ATP1A4: variants seen among roughly 807,000 people sequenced by gnomAD.
The protein encoded by ATP1A4 is ATPase Na+/K+ transporting subunit alpha 4.
A neutral mutation model predicts 114.3 loss-of-function variants in ATP1A4; 90 were observed. The observed-to-expected ratio is 0.79, with a 90% CI of 0.66 to 0.94. The LOEUF (loss-of-function observed/expected upper bound fraction) is 0.94. ATP1A4 is among the 40% of genes least tolerant of loss of function. The pLI is 0.00. For synonymous variants in ATP1A4, 511 were observed against 494.1 expected, an observed-to-expected ratio of 1.03 and a Z score of -0.45; for missense variants, 1,222 against 1,313.6, an observed-to-expected ratio of 0.93 and a Z score of 1.08.
intron 17 of ATP1A4, among the ~76,000 whole-genome samples, chr1:160,177,013 A>G (rs6682988): frequency 0.76 from 115,468 of 151,970 alleles, 44,417 homozygotes; most frequent in East Asian, 0.88. Flanking sequence ...GGCACAGTTA[A>G]AGAAGACTGA....
intron 6 of ATP1A4, among the ~76,000 whole-genome samples, chr1:160,162,460 A>G (rs754627290): frequency 6.6e-6 from 1 of 152,128 alleles, no homozygotes; most frequent in Non-Finnish European, 1.5e-5. Flanking sequence ...GGCCCGTGCT[A>G]CCCAGCAGAG....
chr1:160,164,904 C>T (rs947031967), intron 7 of ATP1A4, among the ~76,000 whole-genome samples: 26 of 152,318 alleles, frequency 1.7e-4, no homozygotes, highest in African/African-American at 6.0e-4. Flanking sequence ...CAATTCGTTT[C>T]ATTGTTGTCT....
rs1308734844 is a variant in ATP1A4 at position 160,166,914 on chromosome 1, G to A, written c.1247-54G>A. 7.5e-5 allele frequency: 118 copies of A among 1,577,282 alleles called. 1 individual carries two copies. The highest frequency in any genetic ancestry group is 3.1e-4 in the East Asian group (14 of 44,530). On this transcript the variant is annotated intron_variant, in intron 8 of 21. Coordinates refer to ENST00000368081, the MANE Select transcript of ATP1A4 (RefSeq NM_144699.4). ...GGTGCCAAAGAGGATGTGAATAACC[G>A]CTTGCTTAAAATTCTCATTCCCTGC... is the stretch of plus-strand genomic sequence containing the variant.
chr1:160,159,758 A>G lies in ATP1A4; in HGVS notation c.778+232A>G, dbSNP rs58076226. On this transcript the variant is annotated intron_variant, in intron 6 of 21. Coordinates refer to ENST00000368081, the MANE Select transcript of ATP1A4 (RefSeq NM_144699.4). ...AGATTTTCGTGTGAATTGAGATAATATATGTAAAATGCCCAGCACAAGACC... is the reference window on the plus strand; with the variant it reads ...AGATTTTCGTGTGAATTGAGATAATGTATGTAAAATGCCCAGCACAAGACC... Among the ~76,000 whole-genome samples the G allele has an allele frequency of 0.038, 5,715 of 152,306 alleles. 358 individuals carry two copies. The highest frequency in any genetic ancestry group is 0.13 in the African/African-American group (5,424 of 41,542).
At chr1:160,168,790 A>G (rs960437997) in intron 10 of ATP1A4, among the ~76,000 whole-genome samples, 2 of 152,334 alleles carry the variant, frequency 1.3e-5, no homozygotes, top group Middle Eastern at 3.4e-3. Context: ...GTTGTTAGTC[A>G]ATGTAATAAA....
chr1:160,158,581 T>A (rs1652755986), intron 4 of ATP1A4, among the ~76,000 whole-genome samples: 1 of 152,080 alleles, frequency 6.6e-6, no homozygotes, highest in Admixed American at 6.5e-5. Flanking sequence ...GGTCTCCCTA[T>A]GTTGCCCAGT....
At position 160,166,980 on chromosome 1, in the gene ATP1A4, C is replaced by G. The variant is rs1302355684; in HGVS notation, c.1259C>G (p.Thr420Ser). Residue 420 changes from threonine to serine, a missense_variant, in exon 9 of 22, where the codon ACC (threonine) becomes AGC (serine). Transcript: ENST00000368081. Reference sequence around the variant, plus strand: ...TCTTTCTCCCTAGGAAAAACATTTACCAAGAGCTCTGATACCTGGTTTATG... The same window carrying G: ...TCTTTCTCCCTAGGAAAAACATTTAGCAAGAGCTCTGATACCTGGTTTATG... ...TTEEQTGKTFTKSSDTWFMLA... is the reference protein window; with the variant it reads ...TTEEQTGKTFSKSSDTWFMLA... 10 of 1,614,012 alleles carry G rather than the reference C, an allele frequency of 6.2e-6. No individual in the cohort carries two copies. The highest frequency in any genetic ancestry group is 8.5e-6 in the Non-Finnish European group (10 of 1,180,002).
rs200588619 is a variant in ATP1A4 at position 160,174,243 on chromosome 1, C to T, written c.2124C>T (p.Val708=). The change falls in exon 14 of 22, where the codon GTC becomes GTT. Residue 708 remains valine (V), a synonymous_variant. Coordinates refer to ENST00000368081, the MANE Select transcript of ATP1A4 (RefSeq NM_144699.4). ...RTSPQQKLII[V]EGCQRLGAVV... ...CCCCTCAGCAGAAGCTCATCATTGTCGAGGGATGTCAGAGGCTGGTAAGGA... is the reference window on the plus strand; with the variant it reads ...CCCCTCAGCAGAAGCTCATCATTGTTGAGGGATGTCAGAGGCTGGTAAGGA... 13 of 1,613,916 alleles carry T rather than the reference C, an allele frequency of 8.1e-6. No individual in the cohort carries two copies. The highest frequency in any genetic ancestry group is 1.6e-4 in the Middle Eastern group (1 of 6,084).
At position 160,171,885 on chromosome 1, in the gene ATP1A4, A is replaced by G. The variant is rs957433785; in HGVS notation, c.1854+128A>G. The stretch of plus-strand genomic sequence containing the variant: ...AGCGGATTTCTGTTTCCTTGGGCTT[A>G]TGATTTTTAATTAATAGTAAGTTTC... On this transcript the variant is annotated intron_variant, in intron 12 of 21. Transcript: ENST00000368081. The G allele has an allele frequency of 3.8e-5, 35 of 921,354 alleles. No homozygotes were observed. In the African/African-American group the frequency reaches 5.2e-4, roughly 14 times the overall value. 57.1% of individuals were successfully genotyped at this position (921,354 alleles called of 1,614,324 possible).
At chr1:160,180,692 C>A in intron 18 of ATP1A4, among the ~76,000 whole-genome samples, 1 of 139,044 alleles carries the variant, frequency 7.2e-6, no homozygotes, top group Non-Finnish European at 1.5e-5. Context: ...CTGCCTTCTT[C>A]CCTTTTTTTT....
rs1159069402 is a variant in ATP1A4 at position 160,176,527 on chromosome 1, A to G, written c.2515A>G (p.Lys839Glu). 6.2e-7 allele frequency: 1 copy of G among 1,614,202 alleles called. No individual in the cohort carries two copies. Among genetic ancestry groups the G allele is most frequent in the East Asian group, 2.2e-5 (1 of 44,876 alleles). ...TGAGTCAGCTGAAAGCGACATCATG[A>G]AGAGGCTTCCAAGGAACCCAAAGAC... The part of the protein sequence containing the change: ...AYESAESDIM[K>E]RLPRNPKTDN... The change falls in exon 17 of 22, where the codon AAG becomes GAG. Residue 839 changes from lysine (K) to glutamate (E), a missense_variant. Lys to Glu is a moderately conservative substitution (Grantham distance 56). Coordinates refer to ENST00000368081, the MANE Select transcript of ATP1A4 (RefSeq NM_144699.4).
chr1:160,160,136 T>C (rs1015982950), intron 6 of ATP1A4, among the ~76,000 whole-genome samples: 1 of 152,218 alleles, frequency 6.6e-6, no homozygotes, highest in Non-Finnish European at 1.5e-5. Context: ...TAAGGAGGCC[T>C]GAAGACTCCA....
Position 160,156,283 on chromosome 1 carries a change from GTCAAGGTACTGTA to G in ATP1A4, c.525+129_525+141del, listed in dbSNP as rs1360082352. On this transcript the variant is annotated intron_variant, in intron 4 of 21. Coordinates refer to ENST00000368081, the MANE Select transcript of ATP1A4 (RefSeq NM_144699.4). ...GCTGAGTGAGGTTGGTGATGAGGGGGTCAAGGTACTGTATCAGTCCTTAAAAGTACCTGGAAAA... is the reference window on the plus strand; with the variant it reads ...GCTGAGTGAGGTTGGTGATGAGGGGGTCAGTCCTTAAAAGTACCTGGAAAA... The G allele has an allele frequency of 1.0e-5, 7 of 678,804 alleles. No individual in the cohort carries two copies. The Admixed American group carries it at 1.6e-4, about 15-fold the overall frequency. 42.0% of individuals were successfully genotyped at this position (678,804 alleles called of 1,614,324 possible).
intron 1 of ATP1A4, among the ~76,000 whole-genome samples, 191 bp from the exon 2 acceptor site, chr1:160,152,974 T>C (rs1172293787): frequency 2.0e-5 from 3 of 151,994 alleles, no homozygotes; most frequent in Non-Finnish European, 4.4e-5. Context: ...GAGGTTGCAG[T>C]GAGTCGAAAT....
At chr1:160,171,014 G>C in intron 10 of ATP1A4, 1 of 402,108 alleles carries the variant, frequency 2.5e-6, no homozygotes. Flanking sequence ...CCCCCAGGGA[G>C]CTTCAGGCTG....
rs373156290 is a variant in ATP1A4 at position 160,167,013 on chromosome 1, G to A, written c.1292G>A (p.Arg431Gln). ...TCTGATACCTGGTTTATGCTGGCCCGAATCGCTGGCCTCTGCAACCGGGCT... is the reference window on the plus strand; with the variant it reads ...TCTGATACCTGGTTTATGCTGGCCCAAATCGCTGGCCTCTGCAACCGGGCT... ...KSSDTWFMLARIAGLCNRADF... is the reference protein window; with the variant it reads ...KSSDTWFMLAQIAGLCNRADF... The change falls in exon 9 of 22, where the codon CGA becomes CAA. Residue 431 changes from arginine to glutamine, a missense_variant. Transcript: ENST00000368081. The A allele has an allele frequency of 1.9e-5, 31 of 1,614,030 alleles. No homozygotes were observed. In the East Asian group the frequency reaches 2.5e-4, roughly 13 times the overall value.
chr1:160,155,867 C>T (rs1043485134), intron 3 of ATP1A4, among the ~76,000 whole-genome samples, 178 bp from the exon 4 acceptor site: 12 of 152,128 alleles, frequency 7.9e-5, no homozygotes, highest in African/African-American at 2.7e-4. Flanking sequence ...AGGGTTCCTT[C>T]CCCAGGAAGC....
In ATP1A4 at chr1:160,176,180, C is replaced by T. The variant is rs1571030884; in HGVS notation, c.2400C>T (p.Ile800=). The part of the protein sequence containing the change: ...IPEITPFLMF[I]ILGIPLPLGT... ...AGATCACGCCCTTCCTGATGTTCAT[C>T]ATCCTCGGTATACCCCTGCCTCTGG... is the stretch of plus-strand genomic sequence containing the variant. Residue 800 remains isoleucine (I), a synonymous_variant, in exon 16 of 22, where the codon ATC becomes ATT. Coordinates refer to ENST00000368081, the MANE Select transcript of ATP1A4 (RefSeq NM_144699.4). The T allele has an allele frequency of 2.5e-6, 4 of 1,614,128 alleles. No homozygotes were observed. The highest frequency in any genetic ancestry group is 3.4e-6 in the Non-Finnish European group (4 of 1,180,014).
At chr1:160,181,353 G>A (rs987024978) in intron 18 of ATP1A4, among the ~76,000 whole-genome samples, 1 of 152,186 alleles carries the variant, frequency 6.6e-6, no homozygotes, top group East Asian at 1.9e-4. Flanking sequence ...AGGAGTTCGA[G>A]ACCAGTCTGG....
Sources: gnomAD v4.1 joint callset for allele counts (sites outside exome capture counted in the v4.1 genomes callset) on GRCh38, gnomAD v4.1.1 for gene constraint, MANE v1.5 for transcripts, NCBI Gene and HGNC (gene_info 2026-07-23, HGNC 2026-07-21) for gene names.